GRID2: variants seen among roughly 807,000 people sequenced by gnomAD.
GRID2 encodes glutamate receptor ionotropic, delta-2.
GRID2 carries 33 observed loss-of-function variants against 114.8 expected under a neutral mutation model. The observed-to-expected ratio is 0.29, with a 90% CI of 0.22 to 0.38. GRID2 has a LOEUF of 0.38. GRID2 is among the 10% of genes least tolerant of loss of function. GRID2 has a pLI of 1.00. For missense variants in GRID2, 1,184 were observed against 1,257.7 expected, an observed-to-expected ratio of 0.94 and a Z score of 0.89; for synonymous variants, 505 against 449.9, an observed-to-expected ratio of 1.12 and a Z score of -1.55.
intron 13 of GRID2, among the ~76,000 whole-genome samples, chr4:93,561,200 C>A (rs905468871): frequency 3.3e-5 from 5 of 152,032 alleles, no homozygotes; most frequent in Non-Finnish European, 5.9e-5. Context: ...TGAGTGCATG[C>A]TAGCTCATTA....
chr4:92,305,688 GGCGA>G (rs1180885069), intron 1 of GRID2, among the ~76,000 whole-genome samples: 1 of 152,130 alleles, frequency 6.6e-6, no homozygotes, highest in African/African-American at 2.4e-5. Context: ...GACTGGCCGC[GGCGA>G]GCAGGGGCGG....
intron 2 of GRID2, among the ~76,000 whole-genome samples, chr4:92,956,178 A>G (rs920691388): frequency 3.3e-5 from 5 of 152,216 alleles, no homozygotes; most frequent in African/African-American, 7.2e-5. Flanking sequence ...GTCATTAACA[A>G]CATCTTCCTA....
chr4:93,187,712 G>A (rs1228325163), intron 4 of GRID2, among the ~76,000 whole-genome samples: 1 of 152,172 alleles, frequency 6.6e-6, no homozygotes, highest in Non-Finnish European at 1.5e-5. Flanking sequence ...CTAGCTGTGA[G>A]CCTGTGAAAT....
chr4:92,331,123 G>A (rs1246108929), intron 1 of GRID2, among the ~76,000 whole-genome samples: 1 of 152,180 alleles, frequency 6.6e-6, no homozygotes, highest in Non-Finnish European at 1.5e-5. Context: ...CACAGATCAT[G>A]CAGTTTGAAT....
At chr4:92,789,940 C>T (rs1739499166) in intron 2 of GRID2, among the ~76,000 whole-genome samples, 1 of 151,848 alleles carries the variant, frequency 6.6e-6, no homozygotes, top group South Asian at 2.1e-4. Context: ...CCAGGGAAAG[C>T]TGCCAGTCTG....
intron 2 of GRID2, among the ~76,000 whole-genome samples, chr4:92,618,292 T>G (rs950293915): frequency 4.6e-5 from 7 of 151,652 alleles, no homozygotes; most frequent in African/African-American, 1.7e-4. Context: ...ATGTTCTGGA[T>G]GCCTTTTTCA....
chr4:92,771,557 T>G (rs1238690096), intron 2 of GRID2, among the ~76,000 whole-genome samples: 2 of 152,326 alleles, frequency 1.3e-5, no homozygotes, highest in East Asian at 3.9e-4. Context: ...TAAGACTTAA[T>G]CAAATGAGAG....
chr4:93,120,876 C>T (rs1459749675), intron 4 of GRID2, among the ~76,000 whole-genome samples: 1 of 152,034 alleles, frequency 6.6e-6, no homozygotes, highest in Non-Finnish European at 1.5e-5. Context: ...TGGTGTGAAC[C>T]CGGGAGGTGG....
intron 8 of GRID2, among the ~76,000 whole-genome samples, chr4:93,293,006 A>C (rs1406361629): frequency 6.6e-6 from 1 of 152,198 alleles, no homozygotes; most frequent in Non-Finnish European, 1.5e-5. Flanking sequence ...TTTAAACATA[A>C]GCAATTTTTA....
intron 1 of GRID2, among the ~76,000 whole-genome samples, chr4:92,411,624 C>CGTGTGTGT (rs1731305671): frequency 2.2e-5 from 2 of 90,910 alleles, no homozygotes; most frequent in African/African-American, 5.2e-5. Flanking sequence ...GATATATATG[C>CGTGTGTGT]ATGTGTGTGT....
chr4:92,964,232 A>G (rs960573069), intron 2 of GRID2, among the ~76,000 whole-genome samples: 2 of 152,056 alleles, frequency 1.3e-5, no homozygotes, highest in African/African-American at 4.8e-5. Context: ...CTGTCCTTTG[A>G]AGCTTTAAAG....
chr4:93,730,108 A>G (rs1341644212), intron 14 of GRID2, among the ~76,000 whole-genome samples: 1 of 152,214 alleles, frequency 6.6e-6, no homozygotes, highest in Non-Finnish European at 1.5e-5. Context: ...TATTTAGTAG[A>G]CCACTGGAAT....
At chr4:93,395,299 A>G (rs1423942280) in intron 8 of GRID2, among the ~76,000 whole-genome samples, 4 of 151,992 alleles carry the variant, frequency 2.6e-5, no homozygotes, top group South Asian at 2.1e-4. Flanking sequence ...TATATGTGCT[A>G]TTATTTTTCC....
At chr4:93,608,043 C>CATATATAT (rs59824778) in intron 13 of GRID2, among the ~76,000 whole-genome samples, 9,561 of 146,120 alleles carry the variant, frequency 0.065, 337 homozygotes, top group South Asian at 0.11. Flanking sequence ...TCTAACTTTA[C>CATATATAT]ATATATATAT....
chr4:93,336,121 A>C (rs1759063622), intron 8 of GRID2, among the ~76,000 whole-genome samples: 2 of 152,198 alleles, frequency 1.3e-5, no homozygotes, highest in South Asian at 4.1e-4. Context: ...ATTTGCCTTA[A>C]TGAAAATAAA....
intron 10 of GRID2, among the ~76,000 whole-genome samples, chr4:93,428,558 A>G (rs1005692664): frequency 6.6e-6 from 1 of 152,170 alleles, no homozygotes; most frequent in African/African-American, 2.4e-5. Context: ...TTGTATGCAT[A>G]TTTTTGATGC....
chr4:92,466,356 T>G (rs576707789), intron 1 of GRID2, among the ~76,000 whole-genome samples: 8 of 151,974 alleles, frequency 5.3e-5, no homozygotes, highest in Admixed American at 1.3e-4. Flanking sequence ...CTATTTTTCT[T>G]TTTCTATATT....
chr4:93,221,394 G>A (rs1744857855), intron 6 of GRID2, among the ~76,000 whole-genome samples: 1 of 152,122 alleles, frequency 6.6e-6, no homozygotes, highest in Admixed American at 6.6e-5. Flanking sequence ...AGGTGAGTGT[G>A]GAGATTTGGT....
chr4:93,189,497 A>G (rs1380011819), intron 4 of GRID2, among the ~76,000 whole-genome samples: 1 of 152,164 alleles, frequency 6.6e-6, no homozygotes, highest in Non-Finnish European at 1.5e-5. Context: ...CTTCATGACT[A>G]GGTTTCAACA....
Sources: gnomAD v4.1 joint callset for allele counts (sites outside exome capture counted in the v4.1 genomes callset) on GRCh38, gnomAD v4.1.1 for gene constraint, MANE v1.5 for transcripts, NCBI Gene and HGNC (gene_info 2026-07-23, HGNC 2026-07-21) for gene names.